STK24: variants seen among roughly 807,000 people sequenced by gnomAD.
The protein encoded by STK24 is serine/threonine kinase 24.
A neutral mutation model predicts 55.6 loss-of-function variants in STK24; 21 were observed. The observed-to-expected ratio is 0.38, with a 90% CI of 0.27 to 0.54. The LOEUF (loss-of-function observed/expected upper bound fraction) is 0.54. Among genes scored for constraint, STK24 ranks in the 20% least tolerant of loss-of-function variants. The probability of loss-of-function intolerance (pLI) is 0.79; values close to 1 mark genes in which losing one functional copy is unlikely to be tolerated. For synonymous variants in STK24, 200 were observed against 215.2 expected, an observed-to-expected ratio of 0.93 and a Z score of 0.62; for missense variants, 383 against 538.4, an observed-to-expected ratio of 0.71 and a Z score of 2.86.
At chr13:98,573,848 T>C (rs1897803670) in intron 1 of STK24, among the ~76,000 whole-genome samples, 1 of 152,162 alleles carries the variant, frequency 6.6e-6, no homozygotes, top group Non-Finnish European at 1.5e-5. Flanking sequence ...TCTCCACATC[T>C]ACAAAATGGT....
intron 1 of STK24, among the ~76,000 whole-genome samples, chr13:98,524,519 A>G (rs1020096951): frequency 1.3e-5 from 2 of 152,182 alleles, no homozygotes; most frequent in African/African-American, 4.8e-5. Context: ...TGCTGAACCC[A>G]GGCCCCAGAC....
chr13:98,534,148 G>A (rs1160246999), intron 1 of STK24, among the ~76,000 whole-genome samples: 1 of 152,158 alleles, frequency 6.6e-6, no homozygotes, highest in Non-Finnish European at 1.5e-5. Context: ...CAGCACCCCC[G>A]GAGTCCCCAC....
intron 1 of STK24, among the ~76,000 whole-genome samples, chr13:98,520,230 G>A (rs1398714871): frequency 1.3e-5 from 2 of 152,220 alleles, no homozygotes; most frequent in African/African-American, 2.4e-5. Context: ...CATCCACAGG[G>A]CCTGTTTGTC....
In STK24 at chr13:98,448,208, T is replaced by C. The variant is rs948898393; in HGVS notation, c.*4965A>G. On this transcript the variant is annotated 3_prime_UTR_variant, in exon 11 of 11. Coordinates refer to ENST00000539966, the MANE Select transcript of STK24 (RefSeq NM_001032296.4). ...GTCAGGAGTCCGTCCAAACAAAAGG[T>C]TGACTAACTGGCGTTCCCGTGTTGC... 1.2e-6 allele frequency: 2 copies of C among 1,600,944 alleles called. No individual in the cohort carries two copies. The highest frequency in any genetic ancestry group is 2.7e-5 in the African/African-American group (2 of 74,676).
intron 3 of STK24, 86 bp from the exon 4 acceptor site, chr13:98,475,444 A>ACATGGATAG: frequency 2.2e-6 from 2 of 914,892 alleles, no homozygotes; most frequent in Non-Finnish European, 3.3e-6. Context: ...ATCCATGTTA[A>ACATGGATAG]TGGACAAGGG....
chr13:98,575,275 G>C (rs573922708), intron 1 of STK24, among the ~76,000 whole-genome samples: 9 of 152,176 alleles, frequency 5.9e-5, no homozygotes, highest in Admixed American at 2.0e-4. Context: ...CCTTAAATGA[G>C]AGTCGACAAA....
At chr13:98,472,416 C>T (rs1383154924) in intron 5 of STK24, among the ~76,000 whole-genome samples, 1 of 152,162 alleles carries the variant, frequency 6.6e-6, no homozygotes, top group Non-Finnish European at 1.5e-5. Context: ...GGACAGCTCT[C>T]GAATAAAGGT....
chr13:98,549,710 C>T (rs1897114878), intron 1 of STK24, among the ~76,000 whole-genome samples: 1 of 152,202 alleles, frequency 6.6e-6, no homozygotes, highest in African/African-American at 2.4e-5. Flanking sequence ...CCTGTACAGC[C>T]TGCAGAACCA....
chr13:98,499,237 C>CA (rs138759745), intron 2 of STK24, among the ~76,000 whole-genome samples: 40,233 of 147,208 alleles, frequency 0.27, 6,037 homozygotes, highest in East Asian at 0.41. Flanking sequence ...GACTCTATCT[C>CA]AAAAAAAAAA....
At chr13:98,494,372 C>G (rs1256228982) in intron 2 of STK24, among the ~76,000 whole-genome samples, 1 of 128,818 alleles carries the variant, frequency 7.8e-6, no homozygotes, top group African/African-American at 2.9e-5. Context: ...CGAGATTGCA[C>G]CACTGCACTC....
chr13:98,469,656 A>C (rs1894068863), intron 5 of STK24, among the ~76,000 whole-genome samples: 1 of 151,974 alleles, frequency 6.6e-6, no homozygotes. Context: ...ATCCAGCTGC[A>C]ACCCAGGGTG....
intron 5 of STK24, among the ~76,000 whole-genome samples, chr13:98,467,923 C>A (rs1452945982): frequency 6.6e-6 from 1 of 152,186 alleles, no homozygotes; most frequent in Non-Finnish European, 1.5e-5. Flanking sequence ...CGAATGGGGA[C>A]TGGGGTAGAG....
chr13:98,479,244 G>A lies in STK24; in HGVS notation c.330+3021C>T, dbSNP rs146705075. ...TCAAGCTATATTCCAAGAGCCCAGCGGCCTTGGGATCATATAGACACTTAA... is the reference window on the plus strand; with the variant it reads ...TCAAGCTATATTCCAAGAGCCCAGCAGCCTTGGGATCATATAGACACTTAA... On this transcript the variant is annotated intron_variant, in intron 3 of 10. Coordinates refer to ENST00000539966, the MANE Select transcript of STK24 (RefSeq NM_001032296.4). Among the ~76,000 whole-genome samples, 486 of 152,182 alleles carry A rather than the reference G, an allele frequency of 3.2e-3. 3 individuals carry two copies. Among genetic ancestry groups the A allele is most frequent in the African/African-American group, 0.011 (447 of 41,516 alleles).
chr13:98,465,348 C>A (rs528011344), intron 6 of STK24, among the ~76,000 whole-genome samples: 52 of 152,238 alleles, frequency 3.4e-4, no homozygotes, highest in Admixed American at 1.1e-3. Flanking sequence ...GCCAGCTCCT[C>A]GGTAGCTGTG....
intron 5 of STK24, among the ~76,000 whole-genome samples, chr13:98,474,530 C>T (rs1894288731): frequency 6.6e-6 from 1 of 152,096 alleles, no homozygotes; most frequent in South Asian, 2.1e-4. Flanking sequence ...CCCTTCAGTT[C>T]CTCCCACCCC....
intron 3 of STK24, among the ~76,000 whole-genome samples, chr13:98,480,366 C>T (rs909996898): frequency 2.0e-4 from 31 of 152,114 alleles, no homozygotes; most frequent in African/African-American, 7.0e-4. Flanking sequence ...GTATATGCTA[C>T]AAATGAAATT....
Position 98,519,130 on chromosome 13 carries a change from C to G in STK24, c.273+113G>C. On this transcript the variant is annotated intron_variant, in intron 2 of 10. Transcript: ENST00000539966. Reference sequence around the variant, plus strand: ...CTTTTGATCACGAAGGTCAAAACATCTCTCCTTGCTCTGAAACCTGCTGTG... The same window carrying G: ...CTTTTGATCACGAAGGTCAAAACATGTCTCCTTGCTCTGAAACCTGCTGTG... 5.0e-6 allele frequency: 4 copies of G among 800,070 alleles called. 1 individual carries two copies. In the South Asian group the frequency reaches 5.0e-5, roughly 10 times the overall value. 49.6% of individuals were successfully genotyped at this position (800,070 alleles called of 1,614,324 possible). A position where few individuals can be genotyped will look rare whatever the true frequency, so the allele number is the denominator to read the frequency against.
intron 2 of STK24, among the ~76,000 whole-genome samples, chr13:98,512,393 A>C (rs534504766): frequency 2.0e-5 from 3 of 152,288 alleles, no homozygotes; most frequent in Non-Finnish European, 4.4e-5. Flanking sequence ...AGAGAAAGAA[A>C]TGCAACCAGA....
At chr13:98,547,390 T>C (rs774102102) in intron 1 of STK24, among the ~76,000 whole-genome samples, 13 of 152,114 alleles carry the variant, frequency 8.5e-5, no homozygotes, top group South Asian at 8.3e-4. Flanking sequence ...CCACCAAAAA[T>C]TTAAACAATG....
Sources: gnomAD v4.1 joint callset for allele counts (sites outside exome capture counted in the v4.1 genomes callset) on GRCh38, gnomAD v4.1.1 for gene constraint, MANE v1.5 for transcripts, NCBI Gene and HGNC (gene_info 2026-07-23, HGNC 2026-07-21) for gene names.